GLT1D1: variants seen among roughly 807,000 people sequenced by gnomAD.
GLT1D1 encodes glycosyltransferase 1 domain-containing protein 1.
GLT1D1 carries 21 observed loss-of-function variants against 28.7 expected under a neutral mutation model. The ratio of observed to expected loss-of-function variants is 0.73; its 90% CI spans 0.52 to 1.05. GLT1D1 has a LOEUF of 1.05. GLT1D1 is among the 50% of genes least tolerant of loss of function. The probability of loss-of-function intolerance (pLI) is 0.00; values close to 1 mark genes in which losing one functional copy is unlikely to be tolerated. For synonymous variants in GLT1D1, 147 were observed against 124.8 expected, an observed-to-expected ratio of 1.18 and a Z score of -1.19; for missense variants, 343 against 330.6, an observed-to-expected ratio of 1.04 and a Z score of -0.29.
chr12:128,946,702 G>T (rs1260909493), intron 5 of GLT1D1, among the ~76,000 whole-genome samples: 15 of 115,576 alleles, frequency 1.3e-4, no homozygotes, highest in African/African-American at 5.1e-4. Flanking sequence ...AGGCTGGAGT[G>T]CAATGGCACA....
chr12:128,981,490 T>TA (rs34918732), intron 7 of GLT1D1, among the ~76,000 whole-genome samples: 22,624 of 152,278 alleles, frequency 0.15, 2,109 homozygotes, highest in Non-Finnish European at 0.22. Flanking sequence ...AACATATTTT[T>TA]ATTATAAAAC....
intron 7 of GLT1D1, among the ~76,000 whole-genome samples, chr12:128,967,954 G>A (rs181541076): frequency 3.5e-4 from 53 of 152,334 alleles, no homozygotes; most frequent in Non-Finnish European, 1.3e-4. Flanking sequence ...CAAAGCATGT[G>A]TGAACTACAT....
At chr12:128,919,615 T>C (rs1872449763) in intron 4 of GLT1D1, among the ~76,000 whole-genome samples, 1 of 152,184 alleles carries the variant, frequency 6.6e-6, no homozygotes, top group Non-Finnish European at 1.5e-5. Context: ...AACAAATAAA[T>C]AATAAAGCAG....
chr12:128,952,913 G>C (rs1399751446), intron 6 of GLT1D1, among the ~76,000 whole-genome samples: 3 of 150,404 alleles, frequency 2.0e-5, no homozygotes, highest in Non-Finnish European at 2.9e-5. Flanking sequence ...CGAGTAGCTG[G>C]AACCACAGGC....
At chr12:128,866,634 T>C (rs530589170) in intron 1 of GLT1D1, among the ~76,000 whole-genome samples, 2 of 151,330 alleles carry the variant, frequency 1.3e-5, no homozygotes, top group Non-Finnish European at 2.9e-5. Flanking sequence ...TTTTTTTTTT[T>C]TCTTGAGACC....
intron 2 of GLT1D1, among the ~76,000 whole-genome samples, chr12:128,884,436 A>G (rs1957132270): frequency 6.6e-6 from 1 of 152,132 alleles, no homozygotes; most frequent in African/African-American, 2.4e-5. Flanking sequence ...AAAAGCACAA[A>G]ATTTCAGCTA....
At chr12:128,854,356 G>C (rs1374310373) in intron 1 of GLT1D1, among the ~76,000 whole-genome samples, 2 of 151,826 alleles carry the variant, frequency 1.3e-5, no homozygotes, top group African/African-American at 4.8e-5. Flanking sequence ...GCGAAGCCTG[G>C]GAAGTGCCAG....
intron 4 of GLT1D1, among the ~76,000 whole-genome samples, chr12:128,913,840 C>T (rs1218494117): frequency 1.3e-5 from 2 of 152,170 alleles, no homozygotes; most frequent in Admixed American, 6.5e-5. Flanking sequence ...TTTTGAAGTG[C>T]GTTTAACCTC....
At chr12:128,971,421 C>T (rs1879038384) in intron 7 of GLT1D1, among the ~76,000 whole-genome samples, 2 of 143,904 alleles carry the variant, frequency 1.4e-5, no homozygotes, top group Admixed American at 1.4e-4. Context: ...TTCCCTCCTC[C>T]CTTCCTCTCC....
chr12:128,929,193 C>A (rs545894746), intron 4 of GLT1D1, among the ~76,000 whole-genome samples: 3 of 152,312 alleles, frequency 2.0e-5, no homozygotes, highest in Admixed American at 6.5e-5. Flanking sequence ...TGGCTTCCAC[C>A]CTCTGGAACC....
At chr12:128,967,645 C>G (rs540482374) in intron 7 of GLT1D1, among the ~76,000 whole-genome samples, 1 of 152,334 alleles carries the variant, frequency 6.6e-6, no homozygotes, top group South Asian at 2.1e-4. Context: ...CAGCAGGATT[C>G]CCACCCGGTG....
chr12:128,947,352 G>C lies in GLT1D1; in HGVS notation c.434G>C (p.Arg145Pro). The C allele has an allele frequency of 6.2e-7, 1 of 1,614,042 alleles. No homozygotes were observed. The highest frequency in any genetic ancestry group is 8.5e-7 in the Non-Finnish European group (1 of 1,179,972). The stretch of plus-strand genomic sequence containing the variant: ...TTGTGTTTCAGAGCCGCTGGGGTAC[G>C]ATTGATTGGAGAGATGCCTCAAGAA... The change falls in exon 6 of 8, where the codon CGA becomes CCA. Residue 145 changes from arginine to proline, a missense_variant. By Grantham distance (103) the Arg-to-Pro change is moderately radical. Coordinates refer to ENST00000281703, the MANE Select transcript of GLT1D1 (RefSeq NM_144669.3).
intron 4 of GLT1D1, among the ~76,000 whole-genome samples, chr12:128,943,628 T>G (rs1353798398): frequency 6.6e-6 from 1 of 152,232 alleles, no homozygotes; most frequent in African/African-American, 2.4e-5. Context: ...TAAAGTAATA[T>G]TTTTCTATAT....
chr12:128,854,036 G>T (rs1193918385), intron 1 of GLT1D1, among the ~76,000 whole-genome samples: 1 of 151,358 alleles, frequency 6.6e-6, no homozygotes, highest in African/African-American at 2.4e-5. Context: ...TTCCAGGCCG[G>T]GGACCGCGGT....
rs191462110 is a variant in GLT1D1, at chr12:128,861,697, T to C, written c.68+8048T>C. On this transcript the variant is annotated intron_variant, in intron 1 of 7. Coordinates refer to ENST00000281703, the MANE Select transcript of GLT1D1 (RefSeq NM_144669.3). Reference sequence around the variant, plus strand: ...GTGTTTGTCGGAATGGGAAGCATTTTAGATAATGGGGGCAGATCGGAGCAC... The same window carrying C: ...GTGTTTGTCGGAATGGGAAGCATTTCAGATAATGGGGGCAGATCGGAGCAC... Among the ~76,000 whole-genome samples the C allele has an allele frequency of 2.4e-4, 36 of 152,298 alleles. No individual in the cohort carries two copies. In the East Asian group the frequency reaches 6.6e-3, roughly 28 times the overall value.
intron 4 of GLT1D1, chr12:128,944,522 G>A (rs1156754992): frequency 3.2e-6 from 3 of 933,688 alleles, no homozygotes; most frequent in Non-Finnish European, 5.3e-6. Context: ...GTTGTGGGAG[G>A]GTTGAATCCA....
In GLT1D1 at chr12:128,935,928, T is replaced by G. The variant is rs138417627; in HGVS notation, c.376-9398T>G. Among the ~76,000 whole-genome samples the G allele has an allele frequency of 8.1e-3, 1,238 of 152,298 alleles. 22 individuals carry two copies. The highest frequency in any genetic ancestry group is 0.028 in the African/African-American group (1,184 of 41,562). ...ACCCCTAGACCACAACCACATGGCT[T>G]TGTAGTAGAGTGGTCACACGCATGT... On this transcript the variant is annotated intron_variant, in intron 4 of 7. Coordinates refer to ENST00000281703, the MANE Select transcript of GLT1D1 (RefSeq NM_144669.3).
chr12:128,874,107 T>TCC (rs1956792445), intron 1 of GLT1D1, among the ~76,000 whole-genome samples: 1 of 55,490 alleles, frequency 1.8e-5, no homozygotes, highest in Non-Finnish European at 3.2e-5. Context: ...TTTCTCTCTC[T>TCC]CTCTCTCTCT....
chr12:128,946,367 G>A (rs984028133), intron 5 of GLT1D1, among the ~76,000 whole-genome samples: 3 of 152,108 alleles, frequency 2.0e-5, no homozygotes, highest in Admixed American at 6.5e-5. Context: ...TTGTTGTTGA[G>A]ACAGAGTTTC....
Sources: allele counts gnomAD v4.1 joint callset (sites outside exome capture counted in the v4.1 genomes callset), GRCh38; gene constraint gnomAD v4.1.1; transcripts MANE v1.5; gene names NCBI Gene and HGNC (gene_info 2026-07-23, HGNC 2026-07-21).